DLGAP4: variants seen among roughly 807,000 people sequenced by gnomAD.
DLGAP4 encodes disks large-associated protein 4.
A neutral mutation model predicts 86.9 loss-of-function variants in DLGAP4; 18 were observed. The observed-to-expected ratio is 0.21, with a 90% CI of 0.14 to 0.31. DLGAP4 has a LOEUF of 0.31. DLGAP4 is among the 10% of genes least tolerant of loss of function. DLGAP4 has a pLI of 1.00. For synonymous variants in DLGAP4, 548 were observed against 574.3 expected (o/e 0.95, Z 0.65); for missense variants, 1,085 against 1,362.6 (o/e 0.80, Z 3.21).
chr20:36,512,469 T>C (rs1038009946), intron 10 of DLGAP4: 2 of 152,212 alleles, frequency 1.3e-5, no homozygotes, highest in Admixed American at 6.5e-5. Flanking sequence ...TCAGTGAATA[T>C]TTATTGAGTA....
chr20:36,352,634 G>A (rs1353144552), intron 1 of DLGAP4, among the ~76,000 whole-genome samples: 1 of 152,158 alleles, frequency 6.6e-6, no homozygotes, highest in Non-Finnish European at 1.5e-5. Context: ...TACAGGAGGA[G>A]CAGGTTCAGG....
At chr20:36,386,470 G>A (rs2147456346) in intron 2 of DLGAP4, among the ~76,000 whole-genome samples, 1 of 142,786 alleles carries the variant, frequency 7.0e-6, no homozygotes, top group Non-Finnish European at 1.5e-5. Flanking sequence ...AGGAAGAGAA[G>A]AAAAGAGGGA....
chr20:36,321,228 C>T (rs554280608), intron 1 of DLGAP4, among the ~76,000 whole-genome samples: 4 of 152,254 alleles, frequency 2.6e-5, no homozygotes, highest in South Asian at 2.1e-4. Flanking sequence ...CACCTGGAGA[C>T]GAAACAGGCA....
At chr20:36,316,787 C>CTGTCCCATTG (rs2065104792) in intron 1 of DLGAP4, among the ~76,000 whole-genome samples, 114 of 152,260 alleles carry the variant, frequency 7.5e-4, no homozygotes, top group African/African-American at 2.6e-3. Context: ...GCAGCCCAGG[C>CTGTCCCATTG]CAGCCCGTCC....
chr20:36,466,744 G>T (rs774053102), intron 7 of DLGAP4, among the ~76,000 whole-genome samples: 30 of 152,328 alleles, frequency 2.0e-4, no homozygotes, highest in Admixed American at 2.6e-4. Context: ...GGACGGGTAG[G>T]GATGCCTAGG....
chr20:36,471,635 C>T (rs1031504362), intron 7 of DLGAP4, among the ~76,000 whole-genome samples: 1 of 152,184 alleles, frequency 6.6e-6, no homozygotes, highest in African/African-American at 2.4e-5. Context: ...TCTCATGTCC[C>T]TGGCTATTTG....
intron 7 of DLGAP4, among the ~76,000 whole-genome samples, chr20:36,453,021 C>T (rs1015690401): frequency 6.0e-5 from 9 of 150,666 alleles, no homozygotes; most frequent in Non-Finnish European, 8.9e-5. Context: ...TTAGTAGAGA[C>T]GGGGTTTCAC....
chr20:36,527,150 C>G lies in DLGAP4; in HGVS notation c.*119C>G, dbSNP rs1346182203. ...ATTCTGTCTAGAGACCCTGAGCCAACTTTCAAATTGACGCATACAAGGGCT... is the reference window on the plus strand; with the variant it reads ...ATTCTGTCTAGAGACCCTGAGCCAAGTTTCAAATTGACGCATACAAGGGCT... On this transcript the variant is annotated 3_prime_UTR_variant, in exon 13 of 13. Transcript: ENST00000339266. 1 of 1,127,142 alleles carries G rather than the reference C, an allele frequency of 8.9e-7. No individual in the cohort carries two copies. Among genetic ancestry groups the G allele is most frequent in the Non-Finnish European group, 1.2e-6 (1 of 825,540 alleles). 69.8% of individuals were successfully genotyped at this position (1,127,142 alleles called of 1,614,324 possible).
chr20:36,340,952 G>C (rs1555892431), intron 1 of DLGAP4, among the ~76,000 whole-genome samples: 1 of 152,176 alleles, frequency 6.6e-6, no homozygotes. Flanking sequence ...AGTTGGGCCT[G>C]GTCTCCCTGA....
chr20:36,389,877 T>C (rs1032658773), intron 2 of DLGAP4, among the ~76,000 whole-genome samples: 3 of 152,104 alleles, frequency 2.0e-5, no homozygotes, highest in African/African-American at 7.2e-5. Flanking sequence ...ATTCATACAG[T>C]AAATACAGTA....
intron 2 of DLGAP4, among the ~76,000 whole-genome samples, chr20:36,369,499 A>G (rs2030837586): frequency 1.3e-5 from 2 of 152,192 alleles, no homozygotes. Context: ...AGGCTGAGAC[A>G]GGGGAATTGC....
At chr20:36,337,968 C>T (rs540770681) in intron 1 of DLGAP4, among the ~76,000 whole-genome samples, 9 of 152,206 alleles carry the variant, frequency 5.9e-5, no homozygotes, top group African/African-American at 2.2e-4. Flanking sequence ...AAGCCGAGGC[C>T]CCAAGAGGGG....
chr20:36,502,006 A>G (rs1178359460), intron 10 of DLGAP4, among the ~76,000 whole-genome samples: 1 of 152,208 alleles, frequency 6.6e-6, no homozygotes, highest in Non-Finnish European at 1.5e-5. Context: ...TACTAGCTGT[A>G]TATTCTGGTA....
intron 1 of DLGAP4, among the ~76,000 whole-genome samples, chr20:36,358,383 T>G (rs2030402901): frequency 6.6e-6 from 1 of 152,200 alleles, no homozygotes; most frequent in Non-Finnish European, 1.5e-5. Context: ...ACATCTCTTC[T>G]CCTGTCAGAC....
At chr20:36,502,112 G>A (rs1405337550) in intron 10 of DLGAP4, among the ~76,000 whole-genome samples, 1 of 152,112 alleles carries the variant, frequency 6.6e-6, no homozygotes, top group Non-Finnish European at 1.5e-5. Context: ...CATTGGCATA[G>A]ATGAGTGTTT....
In DLGAP4 at chr20:36,436,328, G is replaced by C; in HGVS notation, c.1219G>C (p.Gly407Arg). The C allele has an allele frequency of 1.2e-6, 2 of 1,600,130 alleles. No homozygotes were observed. The highest frequency in any genetic ancestry group is 1.7e-6 in the Non-Finnish European group (2 of 1,177,238). The change falls in exon 4 of 13, where the codon GGA becomes CGA. Residue 407 changes from glycine to arginine, a missense_variant. This residue lies in a region of DLGAP4 where 1,082 missense variants were observed against 1,344.1 expected (regional missense o/e 0.81). Coordinates refer to ENST00000339266, the MANE Select transcript of DLGAP4 (RefSeq NM_001365621.2). The part of the protein sequence containing the change: ...SYLRATQQSL[G>R]EQSNPRRSLD... ...TCTGAGGGCCACGCAGCAGTCGCTGGGAGAGCAGAGCAACCCCCGCAGGTA... is the reference window on the plus strand; with the variant it reads ...TCTGAGGGCCACGCAGCAGTCGCTGCGAGAGCAGAGCAACCCCCGCAGGTA...
chr20:36,433,441 C>T (rs928467112), intron 3 of DLGAP4, among the ~76,000 whole-genome samples: 18 of 152,158 alleles, frequency 1.2e-4, no homozygotes, highest in African/African-American at 4.1e-4. Flanking sequence ...GAGACATCAC[C>T]GTGGCTGCAC....
intron 2 of DLGAP4, among the ~76,000 whole-genome samples, chr20:36,371,258 C>T (rs2030921429): frequency 6.6e-6 from 1 of 152,208 alleles, no homozygotes; most frequent in Non-Finnish European, 1.5e-5. Flanking sequence ...GGGTAGTCTG[C>T]TATGCTGACG....
At chr20:36,327,051 G>A (rs997661603) in intron 1 of DLGAP4, among the ~76,000 whole-genome samples, 44 of 142,310 alleles carry the variant, frequency 3.1e-4, no homozygotes, top group Non-Finnish European at 4.8e-4. Context: ...CCAGGCTGGA[G>A]TGCAGTAGTG....
Sources: allele counts gnomAD v4.1 joint callset (sites outside exome capture counted in the v4.1 genomes callset), GRCh38; gene constraint gnomAD v4.1.1; regional missense constraint gnomAD v4.1.1; transcripts MANE v1.5; gene names NCBI Gene and HGNC (gene_info 2026-07-23, HGNC 2026-07-21).